The following SHTN1 variants were observed in gnomAD, a reference collection of about 807,000 sequenced individuals.
SHTN1 encodes the protein shootin 1.
Under a neutral mutation model 83.1 loss-of-function variants are expected in SHTN1, and 42 were observed. That is an observed-to-expected ratio of 0.51 (90% CI 0.39 to 0.65). The LOEUF is 0.65. Ranked by LOEUF, SHTN1 falls within the 30% of genes least tolerant of loss-of-function variation. The pLI, the probability that SHTN1 is intolerant of heterozygous loss-of-function variation, is 0.00. For missense variants in SHTN1, 622 were observed against 737.8 expected, an observed-to-expected ratio of 0.84 and a Z score of 1.82; for synonymous variants, 224 against 247.7, an observed-to-expected ratio of 0.90 and a Z score of 0.90.
chr10:116,948,990 T>C lies in SHTN1; in HGVS notation c.542A>G (p.Lys181Arg). The change falls in exon 7 of 17, where the codon AAA (lysine) becomes AGA (arginine). Residue 181 changes from lysine to arginine, a missense_variant. Physicochemically the swap from Lys to Arg is conservative, Grantham distance 26. This residue lies in a region of SHTN1 where 383 missense variants were observed against 455.8 expected (regional missense o/e 0.84). Coordinates refer to ENST00000355371, the MANE Select transcript of SHTN1 (RefSeq NM_001127211.3). ...KLVEVIEEVN[K>R]VKQEKTVLNS... ...TAAAACAGTCTTTTCTTGTTTAACT[T>C]TATTTACCTAAAAATGTGAAATTTT... 6.4e-7 allele frequency: 1 copy of C among 1,557,174 alleles called. No homozygotes were observed. Among genetic ancestry groups the C allele is most frequent in the Non-Finnish European group, 8.7e-7 (1 of 1,152,376 alleles).
At chr10:117,105,158 G>A (rs908617729) in intron 1 of SHTN1, among the ~76,000 whole-genome samples, 1 of 151,980 alleles carries the variant, frequency 6.6e-6, no homozygotes, top group Non-Finnish European at 1.5e-5. Flanking sequence ...TCTCATATTT[G>A]GTGACTTTAT....
At chr10:117,007,944 G>T (rs1852047221), upstream of SHTN1, among the ~76,000 whole-genome samples, 1 of 148,302 alleles carries the variant, frequency 6.7e-6, no homozygotes, top group Non-Finnish European at 1.5e-5. Flanking sequence ...AGAGGCGAAG[G>T]TTGCAGTGAG....
chr10:117,052,576 G>A (rs1468076373), intron 1 of SHTN1, among the ~76,000 whole-genome samples: 3 of 152,096 alleles, frequency 2.0e-5, no homozygotes, highest in Admixed American at 1.3e-4. Flanking sequence ...TATAAGGATG[G>A]ATATATAGAT....
In SHTN1 at chr10:116,977,570, G is replaced by A. The variant is rs997372918; in HGVS notation, c.111+1686C>T. On this transcript the variant is annotated intron_variant, in intron 2 of 16. Transcript: ENST00000355371. The stretch of plus-strand genomic sequence containing the variant: ...GGATCTAAGAAAAACCTCCTTACCT[G>A]TTTATGTCCTCAGGACATTTGTGAT... Among the ~76,000 whole-genome samples, 6 of 152,190 alleles carry A rather than the reference G, an allele frequency of 3.9e-5. No homozygotes were observed. The South Asian group carries it at 6.2e-4, about 16-fold the overall frequency.
chr10:116,887,722 C>T (rs1050995306), intron 16 of SHTN1, among the ~76,000 whole-genome samples: 7 of 152,142 alleles, frequency 4.6e-5, no homozygotes, highest in African/African-American at 7.2e-5. Flanking sequence ...TAAACATCCA[C>T]GAGGCAGGGA....
chr10:116,934,996 A>G (rs1849101502), intron 9 of SHTN1, among the ~76,000 whole-genome samples: 1 of 152,130 alleles, frequency 6.6e-6, no homozygotes, highest in South Asian at 2.1e-4. Context: ...GAAGCTTGTA[A>G]TTTTTGCACA....
chr10:117,049,483 TA>T (rs1465984638), intron 1 of SHTN1, among the ~76,000 whole-genome samples: 1 of 152,202 alleles, frequency 6.6e-6, no homozygotes, highest in Admixed American at 6.5e-5. Context: ...ATTATTTGTT[TA>T]ATTATTTGTC....
At chr10:116,963,609 T>C (rs943297389) in intron 3 of SHTN1, among the ~76,000 whole-genome samples, 39 of 152,208 alleles carry the variant, frequency 2.6e-4, no homozygotes, top group Non-Finnish European at 4.6e-4. Flanking sequence ...ACTGAAATAT[T>C]TCCAGGCAGT....
intron 12 of SHTN1, among the ~76,000 whole-genome samples, chr10:116,916,193 T>A (rs1848377530): frequency 6.6e-6 from 1 of 151,992 alleles, no homozygotes; most frequent in African/African-American, 2.4e-5. Flanking sequence ...GCAAAAAAAA[T>A]AAATAAATAA....
intron 11 of SHTN1, among the ~76,000 whole-genome samples, chr10:116,921,914 T>G (rs1313489649): frequency 6.6e-6 from 1 of 152,140 alleles, no homozygotes; most frequent in African/African-American, 2.4e-5. Flanking sequence ...TAAATATCTA[T>G]TTGTGAACTA....
chr10:116,900,564 AAATCTAT>A lies in SHTN1; in HGVS notation c.1673+1194_1673+1200del, dbSNP rs1372677561. On this transcript the variant is annotated intron_variant, in intron 16 of 16. Coordinates refer to ENST00000355371, the MANE Select transcript of SHTN1 (RefSeq NM_001127211.3). ...ATCTGTGTAAAATGGTAAAGGAGAA[AAATCTAT>A]ACACACACACTGAAGCATTTATCAG... The A allele has an allele frequency of 6.5e-6, 10 of 1,534,814 alleles. No homozygotes were observed. The East Asian group carries it at 2.2e-4, about 34-fold the overall frequency.
chr10:116,989,452 A>C (rs1851340343), intron 1 of SHTN1, among the ~76,000 whole-genome samples: 1 of 152,236 alleles, frequency 6.6e-6, no homozygotes, highest in Non-Finnish European at 1.5e-5. Context: ...GGAGAACTAA[A>C]GATAATTAGG....
chr10:117,049,075 T>G (rs899280379), intron 1 of SHTN1, among the ~76,000 whole-genome samples: 4 of 152,132 alleles, frequency 2.6e-5, no homozygotes, highest in Admixed American at 2.0e-4. Flanking sequence ...CTAAAAAATT[T>G]TATCACTCTA....
intron 2 of SHTN1, among the ~76,000 whole-genome samples, chr10:116,971,069 G>A (rs1850600515): frequency 6.6e-6 from 1 of 152,116 alleles, no homozygotes; most frequent in Non-Finnish European, 1.5e-5. Context: ...TAAGAAGCTT[G>A]CAGTTCAGTT....
At chr10:116,939,349 C>T (rs958780865) in intron 9 of SHTN1, among the ~76,000 whole-genome samples, 4 of 152,170 alleles carry the variant, frequency 2.6e-5, no homozygotes, top group Non-Finnish European at 2.9e-5. Flanking sequence ...GTGGGAAAAG[C>T]GTAGTATCTG....
chr10:117,061,389 G>C (rs577216866), intron 1 of SHTN1, among the ~76,000 whole-genome samples: 5 of 151,950 alleles, frequency 3.3e-5, no homozygotes, highest in Non-Finnish European at 7.4e-5. Flanking sequence ...GTAGAGACAG[G>C]GTTTCACTAT....
At chr10:117,027,767 G>A (rs891264483) in intron 2 of SHTN1, among the ~76,000 whole-genome samples, 3 of 152,190 alleles carry the variant, frequency 2.0e-5, no homozygotes, top group Non-Finnish European at 2.9e-5. Flanking sequence ...CAAAGTGCTG[G>A]CATTACAGGC....
chr10:116,953,043 G>C (rs1054237900), intron 5 of SHTN1, among the ~76,000 whole-genome samples: 1 of 152,138 alleles, frequency 6.6e-6, no homozygotes, highest in Non-Finnish European at 1.5e-5. Context: ...TTAGCTTGAG[G>C]GGTTGAAGAG....
At chr10:117,052,020 A>ATATATATATATATATATATATATATG (rs1280560233) in intron 1 of SHTN1, among the ~76,000 whole-genome samples, 18 of 137,966 alleles carry the variant, frequency 1.3e-4, no homozygotes, top group African/African-American at 4.7e-4. Flanking sequence ...ATATATATAT[A>ATATATATATATATATATATATATATG]TAGAAAAGCC....
Sources: gnomAD v4.1 joint callset for allele counts (sites outside exome capture counted in the v4.1 genomes callset) on GRCh38, gnomAD v4.1.1 for gene constraint, gnomAD v4.1.1 regional missense constraint, MANE v1.5 for transcripts, NCBI Gene and HGNC (gene_info 2026-07-23, HGNC 2026-07-21) for gene names.